HMGA2: variants seen among roughly 807,000 people sequenced by gnomAD.
HMGA2 encodes high mobility group protein HMGI-C.
A neutral mutation model predicts 19.1 loss-of-function variants in HMGA2; 8 were observed. That is an observed-to-expected ratio of 0.42 (90% CI 0.25 to 0.76). HMGA2 has a LOEUF of 0.76. Ranked by LOEUF, HMGA2 falls within the 30% of genes least tolerant of loss-of-function variation. HMGA2 has a pLI of 0.28. For missense variants in HMGA2, 109 were observed against 136.3 expected, an observed-to-expected ratio of 0.80 and a Z score of 1.00; for synonymous variants, 60 against 48.8, an observed-to-expected ratio of 1.23 and a Z score of -0.96.
intron 3 of HMGA2, among the ~76,000 whole-genome samples, chr12:65,930,896 G>A (rs962825406): frequency 6.6e-6 from 1 of 152,194 alleles, no homozygotes; most frequent in African/African-American, 2.4e-5. Context: ...GTAATTCAGG[G>A]AGGACAAGAA....
chr12:65,837,813 T>C (rs1344061939), intron 2 of HMGA2, among the ~76,000 whole-genome samples: 1 of 152,234 alleles, frequency 6.6e-6, no homozygotes, highest in Non-Finnish European at 1.5e-5. Flanking sequence ...GTTAATAAAG[T>C]ACATTTTTAA....
chr12:65,926,653 G>T (rs73121719), intron 3 of HMGA2, among the ~76,000 whole-genome samples: 2 of 152,180 alleles, frequency 1.3e-5, no homozygotes, highest in South Asian at 4.2e-4. Context: ...ATTTTCTTTC[G>T]CCCTTTAAAC....
At chr12:65,852,122 GCAAATAATTTGTA>G (rs144189654) in intron 3 of HMGA2, among the ~76,000 whole-genome samples, 9,343 of 151,880 alleles carry the variant, frequency 0.062, 325 homozygotes, top group Middle Eastern at 0.082. Context: ...TACAATTTGT[GCAAATAATTTGTA>G]CAAATAATTT....
At chr12:65,851,032 T>C (rs79754782) in intron 3 of HMGA2, among the ~76,000 whole-genome samples, 143 of 152,338 alleles carry the variant, frequency 9.4e-4, no homozygotes, top group Middle Eastern at 3.4e-3. Flanking sequence ...TCTTCCTACT[T>C]GGGGTACTGT....
At chr12:65,842,179 G>C in intron 3 of HMGA2, 1 of 1,113,410 alleles carries the variant, frequency 9.0e-7, no homozygotes, top group Middle Eastern at 2.3e-4. Context: ...TTCAAATTCT[G>C]GTCCGTCACT....
At chr12:65,907,486 C>T (rs1340213442) in intron 3 of HMGA2, among the ~76,000 whole-genome samples, 2 of 150,986 alleles carry the variant, frequency 1.3e-5, no homozygotes, top group Admixed American at 6.6e-5. Flanking sequence ...GGCCTCTCAG[C>T]GTTTGTGCAA....
At chr12:65,838,766 T>C (rs1870851765) in intron 3 of HMGA2, among the ~76,000 whole-genome samples, 197 bp downstream of exon 3, 2 of 152,104 alleles carry the variant, frequency 1.3e-5, no homozygotes, top group African/African-American at 4.8e-5. Flanking sequence ...AACACTTTTC[T>C]TTCCTGAAGG....
chr12:65,838,375 G>T (rs1272040451), intron 2 of HMGA2, 144 bp from the exon 3 acceptor site: 2 of 647,180 alleles, frequency 3.1e-6, no homozygotes, highest in Admixed American at 2.9e-5. Context: ...TAGAGGAGAC[G>T]AAGTTTGTTA....
chr12:65,949,908 C>A (rs1432848814), intron 3 of HMGA2, among the ~76,000 whole-genome samples: 1 of 152,154 alleles, frequency 6.6e-6, no homozygotes, highest in African/African-American at 2.4e-5. Flanking sequence ...ATAAACATTT[C>A]TTCCCAGGAG....
chr12:65,950,808 T>C (rs1460258264), intron 3 of HMGA2, among the ~76,000 whole-genome samples: 1 of 152,232 alleles, frequency 6.6e-6, no homozygotes, highest in African/African-American at 2.4e-5. Context: ...ACAAAGTGAA[T>C]CAAACAGTTA....
rs375688049 is a variant in HMGA2 at position 65,890,911 on chromosome 12, C to T, written c.249+52342C>T. Among the ~76,000 whole-genome samples, 30 of 151,950 alleles carry T rather than the reference C, an allele frequency of 2.0e-4. 1 individual carries two copies. The highest frequency in any genetic ancestry group is 5.1e-4 in the African/African-American group (21 of 41,454). On this transcript the variant is annotated intron_variant, in intron 3 of 4. Transcript: ENST00000403681. The stretch of plus-strand genomic sequence containing the variant: ...GCTTTTTTTGCATTTTTTGTAGAGA[C>T]GGGGTTTCACTGTGTCACCATGTTG...
chr12:65,947,166 C>A (rs544779899), intron 3 of HMGA2, among the ~76,000 whole-genome samples: 1 of 151,526 alleles, frequency 6.6e-6, no homozygotes, highest in Non-Finnish European at 1.5e-5. Context: ...GTCACCCAGG[C>A]GGGAGTGCAA....
At chr12:65,911,548 G>T (rs1874846235) in intron 3 of HMGA2, among the ~76,000 whole-genome samples, 1 of 152,164 alleles carries the variant, frequency 6.6e-6, no homozygotes, top group Non-Finnish European at 1.5e-5. Context: ...TTAAGATCCA[G>T]GAAGCAAAGC....
chr12:65,897,153 C>T (rs993569341), intron 3 of HMGA2, among the ~76,000 whole-genome samples: 11 of 152,050 alleles, frequency 7.2e-5, no homozygotes, highest in Admixed American at 2.0e-4. Context: ...GATTTTGATG[C>T]GGGCATACAA....
intron 3 of HMGA2, among the ~76,000 whole-genome samples, chr12:65,869,024 T>C (rs117893666): frequency 1.1e-3 from 162 of 152,256 alleles, no homozygotes; most frequent in Non-Finnish European, 1.9e-3. Flanking sequence ...GAGGTTGGCA[T>C]TGGTAAGCCG....
chr12:65,864,393 A>G (rs542797745), intron 3 of HMGA2, among the ~76,000 whole-genome samples: 75 of 152,350 alleles, frequency 4.9e-4, no homozygotes, highest in Admixed American at 4.8e-3. Context: ...GTAGTGTTAT[A>G]AAGACAAAAT....
At chr12:65,879,708 A>C (rs1460125) in intron 3 of HMGA2, among the ~76,000 whole-genome samples, 5,586 of 152,296 alleles carry the variant, frequency 0.037, 159 homozygotes, top group Non-Finnish European at 0.059. Flanking sequence ...CAAAAACAGT[A>C]AACACTTTAG....
At chr12:65,951,183 C>T (rs1876445630) in intron 3 of HMGA2, among the ~76,000 whole-genome samples, 200 bp from the exon 4 acceptor site, 1 of 152,144 alleles carries the variant, frequency 6.6e-6, no homozygotes, top group African/African-American at 2.4e-5. Flanking sequence ...TCCGCCTCTG[C>T]CTCCCAAAGC....
At chr12:65,826,540 A>G (rs1870202885) in intron 1 of HMGA2, 1 of 152,224 alleles carries the variant, frequency 6.6e-6, no homozygotes, top group African/African-American at 2.4e-5. Context: ...GTCCGAGAGC[A>G]AGGTGGGGAA....
Sources: gnomAD v4.1 joint callset for allele counts (sites outside exome capture counted in the v4.1 genomes callset) on GRCh38, gnomAD v4.1.1 for gene constraint, MANE v1.5 for transcripts, NCBI Gene and HGNC (gene_info 2026-07-23, HGNC 2026-07-21) for gene names.